Variants in PTCH1 observed in about 807,000 individuals in gnomAD.
PTCH1 encodes protein patched homolog 1.
Under a neutral mutation model 144.6 loss-of-function variants are expected in PTCH1, and 14 were observed. The ratio of observed to expected loss-of-function variants is 0.10; its 90% CI spans 0.06 to 0.15. The LOEUF (loss-of-function observed/expected upper bound fraction) is 0.15. PTCH1 is among the 10% of genes least tolerant of loss of function. The probability of loss-of-function intolerance (pLI) is 1.00; values close to 1 mark genes in which losing one functional copy is unlikely to be tolerated. For synonymous variants in PTCH1, 833 were observed against 793.6 expected, an observed-to-expected ratio of 1.05 and a Z score of -0.83; for missense variants, 1,623 against 1,948.3, an observed-to-expected ratio of 0.83 and a Z score of 3.14.
At chr9:95,497,228 T>C (rs1842855748) in intron 2 of PTCH1, among the ~76,000 whole-genome samples, 1 of 152,102 alleles carries the variant, frequency 6.6e-6, no homozygotes, top group South Asian at 2.1e-4. Context: ...GGCTGCTTCA[T>C]GTTAGGCTAT....
upstream of PTCH1, among the ~76,000 whole-genome samples, chr9:95,513,120 A>G (rs1345986913): frequency 6.6e-6 from 1 of 152,218 alleles, no homozygotes; most frequent in East Asian, 1.9e-4. Flanking sequence ...TATCCAAATG[A>G]TGACAATGAA....
intron 15 of PTCH1, among the ~76,000 whole-genome samples, chr9:95,463,637 A>G (rs1200130881): frequency 6.6e-6 from 1 of 152,016 alleles, no homozygotes; most frequent in Admixed American, 6.6e-5. Flanking sequence ...CTCTCCCTTA[A>G]CCAGCTAATC....
At chr9:95,482,395 T>C in intron 3 of PTCH1, 192 bp from the exon 4 acceptor site, 1 of 614,366 alleles carries the variant, frequency 1.6e-6, no homozygotes. Context: ...TCAATCGTAA[T>C]TAACATGTAG....
chr9:95,493,106 A>G (rs750565275), intron 2 of PTCH1, among the ~76,000 whole-genome samples: 1 of 152,212 alleles, frequency 6.6e-6, no homozygotes, highest in Non-Finnish European at 1.5e-5. Flanking sequence ...AAGTGAAGAA[A>G]GGCTAGCTAG....
chr9:95,483,264 C>CAA (rs149950611), intron 3 of PTCH1: 7 of 141,830 alleles, frequency 4.9e-5, no homozygotes, highest in East Asian at 2.0e-4. Flanking sequence ...CCCTATCTCT[C>CAA]AAAAAAAAAA....
chr9:95,451,663 T>C (rs1235417657), intron 20 of PTCH1: 1 of 152,256 alleles, frequency 6.6e-6, no homozygotes, highest in African/African-American at 2.4e-5. Context: ...CACAGAGGGA[T>C]ATGGGGGTCC....
intron 18 of PTCH1, 23 bp from the exon 19 acceptor site, chr9:95,456,436 C>G (rs2136651033): frequency 6.2e-7 from 1 of 1,612,588 alleles, no homozygotes; most frequent in Non-Finnish European, 8.5e-7. Context: ...ACACAGTGGT[C>G]AGTGGGCGGG....
chr9:95,495,071 C>T (rs1342443569), intron 2 of PTCH1: 1 of 152,318 alleles, frequency 6.6e-6, no homozygotes, highest in Non-Finnish European at 1.5e-5. Context: ...TCATTTATCT[C>T]CTGCACTGTT....
chr9:95,479,252 T>C, intron 7 of PTCH1, 105 bp from the exon 8 acceptor site: 4 of 1,430,876 alleles, frequency 2.8e-6, no homozygotes, highest in Non-Finnish European at 3.9e-6. Flanking sequence ...CTGCAATTCT[T>C]TTCCTTCTCT....
chr9:95,466,826 C>A (rs752001026), intron 15 of PTCH1, among the ~76,000 whole-genome samples: 1 of 152,182 alleles, frequency 6.6e-6, no homozygotes, highest in Non-Finnish European at 1.5e-5. Flanking sequence ...GGAAAGAGCA[C>A]CAGAAGCCTC....
intron 2 of PTCH1, among the ~76,000 whole-genome samples, chr9:95,502,799 T>C (rs1335244631): frequency 6.6e-6 from 1 of 152,200 alleles, no homozygotes; most frequent in Non-Finnish European, 1.5e-5. Flanking sequence ...TATTCTGCCC[T>C]CTTTATAAAG....
intron 18 of PTCH1, among the ~76,000 whole-genome samples, chr9:95,457,347 A>C (rs1344716005): frequency 6.6e-6 from 1 of 152,196 alleles, no homozygotes; most frequent in Non-Finnish European, 1.5e-5. Context: ...TTACCTTTTA[A>C]TGTACCTGCT....
intron 2 of PTCH1, among the ~76,000 whole-genome samples, chr9:95,505,360 G>A (rs1843491582): frequency 6.6e-6 from 1 of 152,166 alleles, no homozygotes. Context: ...TAAGGTAAGG[G>A]ATGCCCAAAG....
rs80204111 is a variant in PTCH1, at chr9:95,501,174, C to A, written c.394+5233G>T. ...CTTTTTATCATCTAAACCAGTGGGT[C>A]TCAATCGTGATGATTTGGGACACCC... On this transcript the variant is annotated intron_variant, in intron 2 of 23. Transcript: ENST00000331920. Among the ~76,000 whole-genome samples, 744 of 152,242 alleles carry A rather than the reference C, an allele frequency of 4.9e-3. 23 individuals carry two copies. The East Asian group carries it at 0.086, about 18-fold the overall frequency.
At position 95,449,729 on chromosome 9, in the gene PTCH1, C is replaced by G; in HGVS notation, c.3549+112G>C. On this transcript the variant is annotated intron_variant, in intron 21 of 23. Transcript: ENST00000331920. This position sits in a 1 kb window ranked among gnomAD's most constrained non-coding sequence, Gnocchi z 5.3. ...AACAGACATGACTCTGAGATGTTTA[C>G]TGAAGAACCACCAGCAAGTGGGGAG... 9.8e-7 allele frequency: 1 copy of G among 1,022,692 alleles called. No homozygotes were observed. Among genetic ancestry groups the G allele is most frequent in the Non-Finnish European group, 1.5e-6 (1 of 662,300 alleles). The allele number at this position is 1,022,692 out of a possible 1,614,324, so 63.4% of individuals were successfully genotyped here.
chr9:95,460,308 C>G (rs1487232849), intron 16 of PTCH1, among the ~76,000 whole-genome samples: 1 of 152,166 alleles, frequency 6.6e-6, no homozygotes, highest in Non-Finnish European at 1.5e-5. Flanking sequence ...GTGCAAGGGA[C>G]GAGTGCACAC....
At chr9:95,455,016 C>T (rs1371194470) in intron 19 of PTCH1, among the ~76,000 whole-genome samples, 1 of 152,166 alleles carries the variant, frequency 6.6e-6, no homozygotes, top group African/African-American at 2.4e-5. Flanking sequence ...ATTTATCTCC[C>T]TTTTGAAGAA....
chr9:95,513,828 C>T (rs901757467), upstream of PTCH1, among the ~76,000 whole-genome samples: 1 of 152,246 alleles, frequency 6.6e-6, no homozygotes, highest in East Asian at 1.9e-4. Context: ...TTACCCCCTC[C>T]CCAGGCTGGA....
intron 1 of PTCH1, among the ~76,000 whole-genome samples, chr9:95,514,713 C>G (rs552132845): frequency 6.6e-6 from 1 of 152,146 alleles, no homozygotes; most frequent in South Asian, 2.1e-4. Flanking sequence ...TTAACCTCAT[C>G]AGTTTATCTA....
Sources: gnomAD v4.1 joint callset for allele counts (sites outside exome capture counted in the v4.1 genomes callset) on GRCh38, gnomAD v4.1.1 for gene constraint, Gnocchi (gnomAD v3.1) non-coding constraint, MANE v1.5 for transcripts, NCBI Gene and HGNC (gene_info 2026-07-23, HGNC 2026-07-21) for gene names.